PDGFRB: variants seen among roughly 807,000 people sequenced by gnomAD.
The protein encoded by PDGFRB is platelet derived growth factor receptor beta.
PDGFRB carries 42 observed loss-of-function variants against 120.2 expected under a neutral mutation model. The observed-to-expected ratio is 0.35, with a 90% CI of 0.27 to 0.45. The LOEUF is 0.45. Among genes scored for constraint, PDGFRB ranks in the 20% least tolerant of loss-of-function variants. The pLI is 1.00. For missense variants in PDGFRB, 1,149 were observed against 1,476.3 expected (o/e 0.78, Z 3.63); for synonymous variants, 586 against 606.8 (o/e 0.97, Z 0.50).
At chr5:150,116,037 T>A in intron 22 of PDGFRB, 91 bp from the exon 23 acceptor site, 1 of 1,111,174 alleles carries the variant, frequency 9.0e-7, no homozygotes, top group South Asian at 1.6e-5. Flanking sequence ...TGTCCACCCC[T>A]GCACCGTAGG....
chr5:150,143,343 C>T (rs1476510039), intron 1 of PDGFRB, among the ~76,000 whole-genome samples: 1 of 152,176 alleles, frequency 6.6e-6, no homozygotes, highest in Non-Finnish European at 1.5e-5. Context: ...CTTATCTGTG[C>T]AAAAGGGTGG....
intron 1 of PDGFRB, among the ~76,000 whole-genome samples, chr5:150,146,580 G>A (rs1038322074): frequency 6.6e-6 from 1 of 152,134 alleles, no homozygotes; most frequent in Non-Finnish European, 1.5e-5. Context: ...GTCTCGCTCT[G>A]TTGCCCACGC....
chr5:150,152,557 A>C (rs1761105504), intron 1 of PDGFRB, among the ~76,000 whole-genome samples: 1 of 152,172 alleles, frequency 6.6e-6, no homozygotes, highest in African/African-American at 2.4e-5. Flanking sequence ...GCATTTCAGA[A>C]GACCTTTTCA....
chr5:150,132,848 G>A lies in PDGFRB; in HGVS notation c.1029C>T (p.Tyr343=), dbSNP rs752544055. The A allele has an allele frequency of 2.1e-5, 33 of 1,608,898 alleles. 1 individual carries two copies. The South Asian group carries it at 3.4e-4, about 17-fold the overall frequency. ...TGAACCACAGGACAGTGGGCGGTGG[G>A]TAGGCCTCGAACACTACCTGCAGTG... is the stretch of plus-strand genomic sequence containing the variant. ...SRTLQVVFEA[Y]PPPTVLWFKD... is the part of the protein sequence containing the mutation. Residue 343 remains tyrosine (Y), a synonymous_variant, in exon 7 of 23, where the codon TAC becomes TAT. Coordinates refer to ENST00000261799, the MANE Select transcript of PDGFRB (RefSeq NM_002609.4). The surrounding 1 kb of genome is among the most constrained non-coding windows in gnomAD (Gnocchi z 5.0).
At chr5:150,125,210 G>T (rs564572169) in intron 12 of PDGFRB, among the ~76,000 whole-genome samples, 2 of 152,194 alleles carry the variant, frequency 1.3e-5, no homozygotes, top group Non-Finnish European at 1.5e-5. Context: ...TTCCACTTTT[G>T]CCACATAGGG....
chr5:150,155,699 T>C lies in PDGFRB; in HGVS notation c.-309A>G, dbSNP rs1283035454. The C allele has an allele frequency of 1.3e-5, 5 of 398,634 alleles. No homozygotes were observed. Among genetic ancestry groups the C allele is most frequent in the African/African-American group, 6.2e-5 (3 of 48,732 alleles). The allele number at this position is 398,634 out of a possible 1,614,324, so 24.7% of individuals were successfully genotyped here. A position where few individuals can be genotyped will look rare whatever the true frequency, so the allele number is the denominator to read the frequency against. On this transcript the variant is annotated 5_prime_UTR_variant, in exon 1 of 23. Transcript: ENST00000261799. ...GCCGCCCTGGGTCTGGCTGTCTGCGTTGGGCAGGGCGAGCACAGGCTGCTG... is the reference window on the plus strand; with the variant it reads ...GCCGCCCTGGGTCTGGCTGTCTGCGCTGGGCAGGGCGAGCACAGGCTGCTG...
At chr5:150,135,997 T>C in intron 2 of PDGFRB, 119 bp from the exon 3 acceptor site, 1 of 626,364 alleles carries the variant, frequency 1.6e-6, no homozygotes, top group Non-Finnish European at 2.7e-6. Context: ...CACAGCTCCT[T>C]TATCCGACAG....
In PDGFRB at chr5:150,115,305, C is replaced by T. The variant is rs1420241132; in HGVS notation, c.*458G>A. 2 of 233,608 alleles carry T rather than the reference C, an allele frequency of 8.6e-6. No homozygotes were observed. The highest frequency in any genetic ancestry group is 1.7e-5 in the Non-Finnish European group (2 of 118,440). The allele number at this position is 233,608 out of a possible 1,614,324, so 14.5% of individuals were successfully genotyped here. On this transcript the variant is annotated 3_prime_UTR_variant, in exon 23 of 23. Coordinates refer to ENST00000261799, the MANE Select transcript of PDGFRB (RefSeq NM_002609.4). The stretch of plus-strand genomic sequence containing the variant: ...GAGGCTAGGGTCTCTTCCCTAGCTC[C>T]TGGGTGGATAAAAGTGCGAGGAGAG...
rs369019315 is a variant in PDGFRB at position 150,117,544 on chromosome 5, G to GCGCACACACACACA, written c.3137+73_3137+74insTGTGTGTGTGTGCG. The GCGCACACACACACA allele has an allele frequency of 1.4e-5, 7 of 516,470 alleles. No homozygotes were observed. The African/African-American group carries it at 2.0e-4, about 15-fold the overall frequency. The allele number at this position is 516,470 out of a possible 1,614,324, so 32.0% of individuals were successfully genotyped here. On this transcript the variant is annotated intron_variant, in intron 22 of 22. Coordinates refer to ENST00000261799, the MANE Select transcript of PDGFRB (RefSeq NM_002609.4). ...AACCTGGCAGCGCGCGCGCGCGCGC[G>GCGCACACACACACA]CACACACACACACACACACACACAC...
At chr5:150,116,015 G>A (rs1580790022) in intron 22 of PDGFRB, 69 bp from the exon 23 acceptor site, 2 of 1,429,182 alleles carry the variant, frequency 1.4e-6, no homozygotes, top group East Asian at 2.5e-5. Context: ...CAGTCATGAA[G>A]AGCCTTCGGT....
intron 1 of PDGFRB, among the ~76,000 whole-genome samples, chr5:150,150,793 C>A (rs1008580592): frequency 1.3e-5 from 2 of 152,156 alleles, no homozygotes; most frequent in African/African-American, 2.4e-5. Context: ...CATTCCCCCC[C>A]TCACCTCTGG....
chr5:150,116,642 A>AT (rs1278210413), intron 22 of PDGFRB, among the ~76,000 whole-genome samples: 6 of 145,554 alleles, frequency 4.1e-5, no homozygotes, highest in East Asian at 2.0e-4. Flanking sequence ...AAAAATAATA[A>AT]AAAAAAAAAG....
At chr5:150,122,810 A>C (rs1225232046) in intron 15 of PDGFRB, among the ~76,000 whole-genome samples, 1 of 152,170 alleles carries the variant, frequency 6.6e-6, no homozygotes, top group African/African-American at 2.4e-5. Context: ...GCAAACACCC[A>C]CGACACAGGG....
chr5:150,125,632 C>T lies in PDGFRB; in HGVS notation c.1675-55G>A. The stretch of plus-strand genomic sequence containing the variant: ...CAGAGGGAGTCTCAGGCCCTGAGCC[C>T]CATTAGGTTCGTCCGTCTAGGACAC... On this transcript the variant is annotated intron_variant, in intron 11 of 22. Transcript: ENST00000261799. The T allele has an allele frequency of 1.9e-6, 3 of 1,590,542 alleles. No homozygotes were observed. In the South Asian group the frequency reaches 3.4e-5, roughly 18 times the overall value.
At chr5:150,154,052 T>C (rs985273194) in intron 1 of PDGFRB, 7 of 152,048 alleles carry the variant, frequency 4.6e-5, no homozygotes, top group African/African-American at 1.7e-4. Context: ...CAATCTCTGA[T>C]GAACAAACAG....
rs1562011230 is a variant in PDGFRB, at chr5:150,134,946, G to C, written c.435C>G (p.Ile145Met). 3.7e-6 allele frequency: 6 copies of C among 1,613,782 alleles called. No individual in the cohort carries two copies. The highest frequency in any genetic ancestry group is 4.2e-6 in the Non-Finnish European group (5 of 1,179,752). The change falls in exon 4 of 23, where the codon ATC becomes ATG. Residue 145 changes from isoleucine (I) to methionine (M), a missense_variant. By Grantham distance (10) the Ile-to-Met change is conservative. This residue lies in a region of PDGFRB where 879 missense variants were observed against 1,108.6 expected (regional missense o/e 0.79). Transcript: ENST00000261799. ...LFIFLTEITEITIPCRVTDPQ... is the reference protein window; with the variant it reads ...LFIFLTEITEMTIPCRVTDPQ... Reference sequence around the variant, plus strand: ...GGTCTGTTACTCGGCATGGAATGGTGATCTCAGTTATTTCCGTGAGAAAGA... The same window carrying C: ...GGTCTGTTACTCGGCATGGAATGGTCATCTCAGTTATTTCCGTGAGAAAGA...
At chr5:150,146,931 A>G (rs78820686) in intron 1 of PDGFRB, among the ~76,000 whole-genome samples, 3,718 of 152,280 alleles carry the variant, frequency 0.024, 148 homozygotes, top group African/African-American at 0.085. Context: ...CGGGTCACCA[A>G]TAATTTTAAA....
chr5:150,141,678 T>C (rs1760788552), intron 1 of PDGFRB, among the ~76,000 whole-genome samples: 1 of 151,974 alleles, frequency 6.6e-6, no homozygotes, highest in South Asian at 2.1e-4. Flanking sequence ...CAGGACTGGG[T>C]GACTTAATAT....
rs568396394 is a variant in PDGFRB, at chr5:150,140,837, C to T, written c.-6-3784G>A. ...CATGCTTGGGGAGTCATTCTCAGAGCCCCAGACTTCCCTCCTCCCAGCACG... is the reference window on the plus strand; with the variant it reads ...CATGCTTGGGGAGTCATTCTCAGAGTCCCAGACTTCCCTCCTCCCAGCACG... On this transcript the variant is annotated intron_variant, in intron 1 of 22. Coordinates refer to ENST00000261799, the MANE Select transcript of PDGFRB (RefSeq NM_002609.4). 3.5e-4 allele frequency among the ~76,000 whole-genome samples: 53 copies of T among 152,278 alleles called. 1 individual carries two copies. In the South Asian group the frequency reaches 0.011, roughly 31 times the overall value.
Sources: allele counts gnomAD v4.1 joint callset (sites outside exome capture counted in the v4.1 genomes callset), GRCh38; gene constraint gnomAD v4.1.1; regional missense constraint gnomAD v4.1.1; non-coding constraint Gnocchi (gnomAD v3.1); transcripts MANE v1.5; gene names NCBI Gene and HGNC (gene_info 2026-07-23, HGNC 2026-07-21).